Variants in PTPRT observed in about 807,000 individuals in gnomAD.
The protein encoded by PTPRT is receptor-type tyrosine-protein phosphatase T.
PTPRT carries 56 observed loss-of-function variants against 176.8 expected under a neutral mutation model. That is an observed-to-expected ratio of 0.32 (90% CI 0.26 to 0.40). The LOEUF (loss-of-function observed/expected upper bound fraction) is 0.40, where lower values mean the gene tolerates loss of function less well. Among genes scored for constraint, PTPRT ranks in the 10% least tolerant of loss-of-function variants. PTPRT has a pLI of 1.00. For missense variants in PTPRT, 1,540 were observed against 1,908.2 expected, an observed-to-expected ratio of 0.81 and a Z score of 3.60; for synonymous variants, 783 against 739.0, an observed-to-expected ratio of 1.06 and a Z score of -0.96.
rs149352181 is a variant in PTPRT at position 42,595,159 on chromosome 20, G to A, written c.1153+82707C>T. 2.3e-3 allele frequency among the ~76,000 whole-genome samples: 346 copies of A among 152,142 alleles called. 7 individuals carry two copies. Among genetic ancestry groups the A allele is most frequent in the East Asian group, 0.018 (94 of 5,160 alleles). On this transcript the variant is annotated intron_variant, in intron 7 of 30. Transcript: ENST00000373187. ...CCAGGGAAAGAGAAAAGAATCTTGG[G>A]CACGGGGGTCATTATTCAAAGAACC...
intron 9 of PTPRT, among the ~76,000 whole-genome samples, chr20:42,397,354 G>T (rs186866505): frequency 4.5e-4 from 69 of 152,298 alleles, no homozygotes; most frequent in Non-Finnish European, 5.6e-4. Context: ...TGTTACAAAG[G>T]TATACTGCGT....
At chr20:42,285,948 T>C (rs903189924) in intron 12 of PTPRT, among the ~76,000 whole-genome samples, 2 of 151,734 alleles carry the variant, frequency 1.3e-5, no homozygotes, top group African/African-American at 4.8e-5. Flanking sequence ...AACAATAAAC[T>C]ACCTAAAAAA....
chr20:42,577,923 C>CTGTGTGTGTGTGTGTGTGTG (rs777761268), intron 7 of PTPRT, among the ~76,000 whole-genome samples: 1 of 111,270 alleles, frequency 9.0e-6, no homozygotes, highest in Non-Finnish European at 1.8e-5. Flanking sequence ...CTGAGCGAGG[C>CTGTGTGTGTGTGTGTGTGTG]TGTGTGTGTG....
chr20:42,572,466 C>G (rs1281947984), intron 7 of PTPRT, among the ~76,000 whole-genome samples: 2 of 152,138 alleles, frequency 1.3e-5, no homozygotes, highest in Non-Finnish European at 1.5e-5. Context: ...CTTCCACCCA[C>G]AGGCCATGCT....
intron 6 of PTPRT, among the ~76,000 whole-genome samples, chr20:42,731,940 CT>C (rs1251956906): frequency 6.6e-6 from 1 of 152,198 alleles, no homozygotes. Flanking sequence ...AACCAAATGT[CT>C]CTTCCTCCAA....
chr20:42,797,467 A>C (rs964723936), intron 2 of PTPRT, among the ~76,000 whole-genome samples: 2 of 152,026 alleles, frequency 1.3e-5, no homozygotes, highest in African/African-American at 4.8e-5. Flanking sequence ...AAGGTCTTTC[A>C]TGAGAATATG....
At chr20:43,027,389 T>C (rs1985955458) in intron 1 of PTPRT, among the ~76,000 whole-genome samples, 1 of 150,946 alleles carries the variant, frequency 6.6e-6, no homozygotes, top group Admixed American at 6.6e-5. Context: ...GGCAGGAGAA[T>C]CGTTTGAACC....
chr20:42,058,201 C>T, the PTPRT span, among the ~76,000 whole-genome samples: 1 of 152,180 alleles, frequency 6.6e-6, no homozygotes, highest in Non-Finnish European at 1.5e-5. Context: ...CAGACTTATA[C>T]ATTATGCATT....
intron 12 of PTPRT, among the ~76,000 whole-genome samples, chr20:42,292,853 C>T (rs1024841225): frequency 6.6e-6 from 1 of 152,148 alleles, no homozygotes; most frequent in Non-Finnish European, 1.5e-5. Flanking sequence ...TGGTAGCCTC[C>T]TCCTCAAAGG....
intron 7 of PTPRT, among the ~76,000 whole-genome samples, chr20:42,520,971 C>T (rs180961120): frequency 3.3e-5 from 5 of 151,872 alleles, no homozygotes; most frequent in Admixed American, 2.6e-4. Context: ...AACCTACATA[C>T]ATATGTGACT....
intron 27 of PTPRT, among the ~76,000 whole-genome samples, chr20:42,087,872 CAAA>C (rs56235565): frequency 0.02 from 1,784 of 88,994 alleles, 27 homozygotes; most frequent in African/African-American, 0.058. Flanking sequence ...GACTCCATTT[CAAA>C]AAAAAAAAAA....
the PTPRT span, among the ~76,000 whole-genome samples, chr20:42,058,797 C>A: frequency 6.6e-6 from 1 of 152,160 alleles, no homozygotes; most frequent in African/African-American, 2.4e-5. Flanking sequence ...GCTCTGCAGA[C>A]CTGCTCCCAA....
At chr20:42,296,445 CAA>C (rs139929018) in intron 12 of PTPRT, among the ~76,000 whole-genome samples, 4,166 of 123,668 alleles carry the variant, frequency 0.034, 71 homozygotes, top group Middle Eastern at 0.062. Context: ...GACTCTGTCT[CAA>C]AAAAAAAAAA....
At chr20:42,730,820 G>A (rs922407362) in intron 6 of PTPRT, among the ~76,000 whole-genome samples, 1 of 152,176 alleles carries the variant, frequency 6.6e-6, no homozygotes. Context: ...CAGTTTGGGG[G>A]CAATTCTAAA....
intron 11 of PTPRT, among the ~76,000 whole-genome samples, chr20:42,333,364 G>A (rs899654152): frequency 2.6e-5 from 4 of 152,030 alleles, no homozygotes; most frequent in Non-Finnish European, 4.4e-5. Context: ...ATGGAGTCTC[G>A]CTCTGTTACC....
intron 1 of PTPRT, among the ~76,000 whole-genome samples, chr20:42,912,186 T>A (rs1978439544): frequency 6.6e-6 from 1 of 152,162 alleles, no homozygotes; most frequent in Non-Finnish European, 1.5e-5. Flanking sequence ...ATAAGACTGT[T>A]CATTTTCCTT....
Position 42,214,611 on chromosome 20 carries a change from CTCTA to C in PTPRT, c.2343-15227_2343-15224del, listed in dbSNP as rs2055724882. Among the ~76,000 whole-genome samples, 7 of 152,342 alleles carry C rather than the reference CTCTA, an allele frequency of 4.6e-5. No homozygotes were observed. The South Asian group carries it at 6.2e-4, about 14-fold the overall frequency. On this transcript the variant is annotated intron_variant, in intron 15 of 30. Coordinates refer to ENST00000373187, the MANE Select transcript of PTPRT (RefSeq NM_007050.6). ...GCTATCTTGCTGTCCATATCTGTGC[CTCTA>C]TCTGTCTATCTCTGCTTCTTTATTC...
At chr20:42,270,354 G>T (rs1384326112) in intron 13 of PTPRT, 4 of 1,509,126 alleles carry the variant, frequency 2.7e-6, no homozygotes, top group Non-Finnish European at 3.6e-6. Flanking sequence ...CACTGAGTGT[G>T]GGCAACTCTC....
chr20:42,503,748 A>G (rs571047123), intron 7 of PTPRT, among the ~76,000 whole-genome samples: 5 of 152,194 alleles, frequency 3.3e-5, no homozygotes, highest in South Asian at 4.1e-4. Flanking sequence ...TTGTCTGTCA[A>G]TTACAGAGAT....
Sources: gnomAD v4.1 joint callset for allele counts (sites outside exome capture counted in the v4.1 genomes callset) on GRCh38, gnomAD v4.1.1 for gene constraint, MANE v1.5 for transcripts, NCBI Gene and HGNC (gene_info 2026-07-23, HGNC 2026-07-21) for gene names.